The following SIGLEC15 variants were observed in gnomAD, a reference collection of about 807,000 sequenced individuals.
SIGLEC15 encodes sialic acid-binding Ig-like lectin 15.
In SIGLEC15, 31 loss-of-function variants were observed where a neutral mutation model predicts 26.2. The ratio of observed to expected loss-of-function variants is 1.18; its 90% CI spans 0.89 to 1.60. SIGLEC15 has a LOEUF of 1.60. Among genes scored for constraint, SIGLEC15 ranks in the 40% most tolerant of loss-of-function variants. The pLI, the probability that SIGLEC15 is intolerant of heterozygous loss-of-function variation, is 0.00. For synonymous variants in SIGLEC15, 207 were observed against 221.9 expected, an observed-to-expected ratio of 0.93 and a Z score of 0.60; for missense variants, 501 against 488.4, an observed-to-expected ratio of 1.03 and a Z score of -0.24.
At chr18:45,833,702 A>C (rs1244085515) in intron 1 of SIGLEC15, among the ~76,000 whole-genome samples, 1 of 152,214 alleles carries the variant, frequency 6.6e-6, no homozygotes, top group Non-Finnish European at 1.5e-5. Context: ...TCTCAAAAAG[A>C]GTTTACTGCT....
At chr18:45,832,583 G>A (rs1296789698) in intron 1 of SIGLEC15, among the ~76,000 whole-genome samples, 3 of 152,292 alleles carry the variant, frequency 2.0e-5, no homozygotes, top group East Asian at 1.9e-4. Context: ...CATGCTTCCC[G>A]CCATACCCTA....
In SIGLEC15 at chr18:45,842,089, C is replaced by T; in HGVS notation, c.906-17C>T. ...CCCACCTGTTTGGATGATCATTCAA[C>T]TTTCTCCTGTCCACAGGTCCCAGGC... is the stretch of plus-strand genomic sequence containing the variant. On this transcript the variant is annotated splice_polypyrimidine_tract_variant and intron_variant, in intron 5 of 5. Transcript: ENST00000389474. 6.2e-7 allele frequency: 1 copy of T among 1,613,566 alleles called. No homozygotes were observed. The highest frequency in any genetic ancestry group is 8.5e-7 in the Non-Finnish European group (1 of 1,179,530).
At position 45,842,278 on chromosome 18, in the gene SIGLEC15, G is replaced by A. The variant is rs1156492247; in HGVS notation, c.*91G>A. On this transcript the variant is annotated 3_prime_UTR_variant, in exon 6 of 6. Coordinates refer to ENST00000389474, the MANE Select transcript of SIGLEC15 (RefSeq NM_213602.3). ...CTGGCACAGCCAGTCCTGGTTCTCG[G>A]GCACCTTGGCAGCCCCCAGCTGGGT... 7.0e-7 allele frequency: 1 copy of A among 1,437,842 alleles called. No homozygotes were observed. The highest frequency in any genetic ancestry group is 1.2e-5 in the South Asian group (1 of 86,268). The allele number at this position is 1,437,842 out of a possible 1,614,324, so 89.1% of individuals were successfully genotyped here. A position where few individuals can be genotyped will look rare whatever the true frequency, so the allele number is the denominator to read the frequency against.
intron 1 of SIGLEC15, among the ~76,000 whole-genome samples, chr18:45,830,240 T>C (rs971743560): frequency 1.3e-5 from 2 of 152,270 alleles, no homozygotes; most frequent in Admixed American, 6.5e-5. Context: ...TTTCTGACCC[T>C]ATCCAATTGC....
At chr18:45,832,435 T>C (rs1010335002) in intron 1 of SIGLEC15, among the ~76,000 whole-genome samples, 5 of 147,792 alleles carry the variant, frequency 3.4e-5, no homozygotes, top group African/African-American at 1.2e-4. Context: ...AGTCTGATGT[T>C]ATATAACTTG....
rs371122869 is a variant in SIGLEC15 at position 45,838,852 on chromosome 18, G to A, written c.631G>A (p.Val211Met). 2.0e-4 allele frequency: 318 copies of A among 1,575,652 alleles called. No homozygotes were observed. Among genetic ancestry groups the A allele is most frequent in the Admixed American group, 1.7e-3 (96 of 55,652 alleles). Residue 211 changes from valine (V) to methionine (M), a missense_variant, in exon 4 of 6, where the codon GTG becomes ATG. Physicochemically the swap from Val to Met is conservative, Grantham distance 21. Transcript: ENST00000389474. ...GGCCCTGGGCAACAGCTTGGCAGCC[G>A]TGCGGAGCCCGCGTGAGGGTCACGG... ...GPALGNSLAA[V>M]RSPREGHGHL...
At chr18:45,826,486 T>C (rs2048186174) in intron 1 of SIGLEC15, among the ~76,000 whole-genome samples, 2 of 152,178 alleles carry the variant, frequency 1.3e-5, no homozygotes, top group Non-Finnish European at 2.9e-5. Context: ...CAGCAAGTCC[T>C]AGGAATCTGC....
At chr18:45,830,127 G>A (rs2048221597) in intron 1 of SIGLEC15, among the ~76,000 whole-genome samples, 2 of 103,844 alleles carry the variant, frequency 1.9e-5, no homozygotes, top group Admixed American at 9.8e-5. Context: ...TACGCCCACA[G>A]AAGATCTACA....
chr18:45,826,872 C>T (rs1328741332), intron 1 of SIGLEC15, among the ~76,000 whole-genome samples: 1 of 152,212 alleles, frequency 6.6e-6, no homozygotes, highest in Non-Finnish European at 1.5e-5. Context: ...ACTTTAGTAA[C>T]TCACATAAGG....
At chr18:45,830,752 A>ATTTTTTTTTT (rs34498635) in intron 1 of SIGLEC15, among the ~76,000 whole-genome samples, 5 of 118,136 alleles carry the variant, frequency 4.2e-5, no homozygotes, top group African/African-American at 6.8e-5. Flanking sequence ...TGCCAGGCTA[A>ATTTTTTTTTT]TTTTTTTTTT....
rs1478751748 is a variant in SIGLEC15, at chr18:45,842,737, T to C, written c.*550T>C. ...AGGAAATAATGGATATGAAGGGGCT[T>C]TGGAAAGTACAAAGCCATCTTCTCA... On this transcript the variant is annotated 3_prime_UTR_variant, in exon 6 of 6. Transcript: ENST00000389474. 6.4e-6 allele frequency: 1 copy of C among 155,978 alleles called. No homozygotes were observed. The highest frequency in any genetic ancestry group is 2.4e-5 in the African/African-American group (1 of 41,458). The allele number at this position is 155,978 out of a possible 1,614,324, so 9.7% of individuals were successfully genotyped here.
Position 45,839,115 on chromosome 18 carries a change from G to C in SIGLEC15, c.874+20G>C. The stretch of plus-strand genomic sequence containing the variant: ...GCCCAGGTGGGTGCGCCCCAGACAC[G>C]GGTGGCCGCGAGGGGCCGGGCCGGG... On this transcript the variant is annotated intron_variant, in intron 4 of 5. Coordinates refer to ENST00000389474, the MANE Select transcript of SIGLEC15 (RefSeq NM_213602.3). 1.5e-6 allele frequency: 2 copies of C among 1,365,196 alleles called. No homozygotes were observed. The highest frequency in any genetic ancestry group is 9.4e-7 in the Non-Finnish European group (1 of 1,068,818). The allele number at this position is 1,365,196 out of a possible 1,614,324, so 84.6% of individuals were successfully genotyped here. A position where few individuals can be genotyped will look rare whatever the true frequency, so the allele number is the denominator to read the frequency against.
At chr18:45,837,353 G>A (rs1345887501) in intron 2 of SIGLEC15, among the ~76,000 whole-genome samples, 160 bp from the exon 3 acceptor site, 1 of 152,230 alleles carries the variant, frequency 6.6e-6, no homozygotes, top group Non-Finnish European at 1.5e-5. Flanking sequence ...TCACAAGGTG[G>A]GGTTCCGGCT....
In SIGLEC15 at chr18:45,837,857, CGCTACGAGA is replaced by C; in HGVS notation, c.460_468del (p.Tyr154_Ser156del). On this transcript the variant is annotated inframe_deletion, in exon 3 of 6. Transcript: ENST00000389474. ...CGAGTTCGCCGGCGACGTCCATGACCGCTACGAGAGCCGCCACGGCGTCCGGCTGCACGT... is the reference window on the plus strand; with the variant it reads ...CGAGTTCGCCGGCGACGTCCATGACCGCCGCCACGGCGTCCGGCTGCACGT... 6.5e-7 allele frequency: 1 copy of C among 1,538,682 alleles called. No individual in the cohort carries two copies. Among genetic ancestry groups the C allele is most frequent in the Non-Finnish European group, 8.7e-7 (1 of 1,153,348 alleles).
intron 1 of SIGLEC15, among the ~76,000 whole-genome samples, chr18:45,834,729 G>T (rs1044483673): frequency 6.6e-5 from 10 of 152,372 alleles, no homozygotes; most frequent in Admixed American, 2.6e-4. Flanking sequence ...CTGGCATAAA[G>T]TGGGGAAGTG....
At chr18:45,837,412 G>T in intron 2 of SIGLEC15, 101 bp from the exon 3 acceptor site, 1 of 1,375,444 alleles carries the variant, frequency 7.3e-7, no homozygotes, top group Non-Finnish European at 9.4e-7. Flanking sequence ...TCCAGGCTAG[G>T]GGTTGGGGGA....
chr18:45,825,841 T>C, intron 1 of SIGLEC15, 61 bp downstream of exon 1: 2 of 1,579,372 alleles, frequency 1.3e-6, no homozygotes, highest in Non-Finnish European at 1.7e-6. Flanking sequence ...GAAAGCATCT[T>C]AGGTACAGTC....
intron 1 of SIGLEC15, among the ~76,000 whole-genome samples, chr18:45,835,487 G>C (rs1188792514): frequency 1.3e-5 from 2 of 152,132 alleles, no homozygotes; most frequent in African/African-American, 4.8e-5. Flanking sequence ...GCTGGCTAGA[G>C]ATTAGGCAGC....
At chr18:45,828,874 G>A (rs1001417771) in intron 1 of SIGLEC15, among the ~76,000 whole-genome samples, 1 of 152,186 alleles carries the variant, frequency 6.6e-6, no homozygotes, top group Non-Finnish European at 1.5e-5. Context: ...GTGCTTATTC[G>A]GGACACAGGC....
Sources: allele counts gnomAD v4.1 joint callset (sites outside exome capture counted in the v4.1 genomes callset), GRCh38; gene constraint gnomAD v4.1.1; transcripts MANE v1.5; gene names NCBI Gene and HGNC (gene_info 2026-07-23, HGNC 2026-07-21).